Variants in WDPCP observed in about 807,000 individuals in gnomAD.
WDPCP encodes WD repeat containing planar cell polarity effector, also known as WD repeat-containing and planar cell polarity effector protein fritz homolog.
In WDPCP, 71 loss-of-function variants were observed where a neutral mutation model predicts 93.1. That is an observed-to-expected ratio of 0.76 (90% CI 0.63 to 0.93). The LOEUF (loss-of-function observed/expected upper bound fraction) is 0.93. Ranked by LOEUF, WDPCP falls within the 40% of genes least tolerant of loss-of-function variation. WDPCP has a pLI of 0.00. For missense variants in WDPCP, 844 were observed against 887.4 expected, an observed-to-expected ratio of 0.95 and a Z score of 0.62; for synonymous variants, 315 against 315.0, an observed-to-expected ratio of 1.00 and a Z score of 0.00.
At chr2:63,146,850 C>T (rs561143720) in intron 17 of WDPCP, among the ~76,000 whole-genome samples, 3 of 152,118 alleles carry the variant, frequency 2.0e-5, no homozygotes, top group South Asian at 2.1e-4. Flanking sequence ...TAAGTGATAA[C>T]GCAATTATTG....
At chr2:63,693,892 T>C (rs1668926023) in intron 2 of WDPCP, among the ~76,000 whole-genome samples, 1 of 152,202 alleles carries the variant, frequency 6.6e-6, no homozygotes, top group Non-Finnish European at 1.5e-5. Flanking sequence ...TAATGGACCA[T>C]TCACTAATGC....
intron 17 of WDPCP, among the ~76,000 whole-genome samples, chr2:63,132,509 TG>T (rs1670355414): frequency 6.6e-6 from 1 of 150,556 alleles, no homozygotes. Flanking sequence ...TCTTAAGCTC[TG>T]TTCACTTTTT....
Position 63,488,536 on chromosome 2 carries a change from C to A in WDPCP, c.161-1042G>T, listed in dbSNP as rs1026323872. ...GAATATATCTAATAAGGATTTATTG[C>A]GAAAAATCATGAGTAGGACTTCTTG... is the stretch of plus-strand genomic sequence containing the variant. On this transcript the variant is annotated intron_variant, in intron 2 of 17. Transcript: ENST00000272321. Among the ~76,000 whole-genome samples the A allele has an allele frequency of 1.3e-5, 2 of 151,778 alleles. 1 individual carries two copies. The highest frequency in any genetic ancestry group is 6.3e-3 in the Middle Eastern group (2 of 316).
chr2:63,570,763 T>A (rs542542799), intron 1 of WDPCP, among the ~76,000 whole-genome samples: 5 of 152,354 alleles, frequency 3.3e-5, no homozygotes, highest in Non-Finnish European at 5.9e-5. Context: ...TTATTTGCCA[T>A]ATGCTAGTCA....
intron 17 of WDPCP, among the ~76,000 whole-genome samples, chr2:63,130,289 A>G (rs1670207405): frequency 6.6e-6 from 1 of 152,110 alleles, no homozygotes; most frequent in Admixed American, 6.5e-5. Context: ...ATTTTTGTAT[A>G]TGGTGTAAGG....
intron 3 of WDPCP, chr2:63,650,581 A>C (rs1484804994): frequency 6.6e-6 from 1 of 152,256 alleles, no homozygotes; most frequent in Non-Finnish European, 1.5e-5. Context: ...ATATGTTCTT[A>C]GTATGACTCA....
At chr2:63,522,580 G>GA (rs1703027437) in intron 1 of WDPCP, among the ~76,000 whole-genome samples, 1 of 151,046 alleles carries the variant, frequency 6.6e-6, no homozygotes, top group East Asian at 1.9e-4. Context: ...GACTAATAAA[G>GA]AAAAAGAGAG....
chr2:63,141,790 A>G (rs1490716559), intron 17 of WDPCP, among the ~76,000 whole-genome samples: 2 of 152,092 alleles, frequency 1.3e-5, no homozygotes, highest in Non-Finnish European at 2.9e-5. Context: ...GTAATTTTAA[A>G]AATACCATTT....
Position 63,195,025 on chromosome 2 carries a change from T to C in WDPCP, c.1916-20193A>G, listed in dbSNP as rs1381918506. 2.6e-5 allele frequency among the ~76,000 whole-genome samples: 4 copies of C among 152,298 alleles called. No homozygotes were observed. In the East Asian group the frequency reaches 5.8e-4, roughly 22 times the overall value. ...TTTTCTCAAAAATGTATGGTAATTT[T>C]ATAGTTAAATATAGGGCTAGGAAAT... On this transcript the variant is annotated intron_variant, in intron 14 of 17. Transcript: ENST00000272321.
chr2:63,619,298 T>C (rs1197428446), intron 3 of WDPCP, among the ~76,000 whole-genome samples: 1 of 152,210 alleles, frequency 6.6e-6, no homozygotes, highest in East Asian at 1.9e-4. Context: ...TTTAAAAGAT[T>C]TTAACAGAAG....
At chr2:63,341,919 T>C (rs925283114) in intron 12 of WDPCP, among the ~76,000 whole-genome samples, 1 of 152,212 alleles carries the variant, frequency 6.6e-6, no homozygotes, top group African/African-American at 2.4e-5. Context: ...AACCTATTTG[T>C]GTCTTTGGAT....
At chr2:63,256,550 G>T (rs1343576264) in intron 14 of WDPCP, among the ~76,000 whole-genome samples, 7 of 150,434 alleles carry the variant, frequency 4.7e-5, no homozygotes, top group African/African-American at 1.5e-4. Flanking sequence ...AGCTACTAAG[G>T]CTGCATATCC....
intron 2 of WDPCP, among the ~76,000 whole-genome samples, chr2:63,781,885 G>A (rs1352717764): frequency 3.3e-5 from 5 of 152,134 alleles, no homozygotes; most frequent in Admixed American, 1.3e-4. Context: ...TGGGCCAAAG[G>A]TGGGCACCTA....
intron 1 of WDPCP, among the ~76,000 whole-genome samples, chr2:63,523,118 T>C (rs898640640): frequency 1.2e-4 from 19 of 152,184 alleles, no homozygotes; most frequent in African/African-American, 4.1e-4. Flanking sequence ...CACAATCAAG[T>C]AGGCATCATC....
chr2:63,322,418 T>C (rs1349119367), intron 12 of WDPCP, among the ~76,000 whole-genome samples: 2 of 152,158 alleles, frequency 1.3e-5, no homozygotes, highest in East Asian at 3.9e-4. Context: ...TTGCTGCTGC[T>C]CACTCTTTGG....
chr2:63,819,340 T>G (rs1670985415), intron 1 of WDPCP, among the ~76,000 whole-genome samples: 1 of 152,200 alleles, frequency 6.6e-6, no homozygotes, highest in Non-Finnish European at 1.5e-5. Context: ...CTCCCTCAAT[T>G]TACTAAAGTT....
At chr2:63,346,326 C>T (rs1689187134) in intron 12 of WDPCP, among the ~76,000 whole-genome samples, 1 of 152,138 alleles carries the variant, frequency 6.6e-6, no homozygotes, top group East Asian at 1.9e-4. Context: ...ATATTATGAA[C>T]CTCCCATTTC....
intron 14 of WDPCP, among the ~76,000 whole-genome samples, chr2:63,211,505 A>C (rs1676800265): frequency 6.6e-6 from 1 of 152,232 alleles, no homozygotes; most frequent in Non-Finnish European, 1.5e-5. Context: ...CCACAAAGAT[A>C]GGGAGAAACC....
intron 2 of WDPCP, among the ~76,000 whole-genome samples, chr2:63,668,878 C>A (rs1017898102): frequency 3.9e-5 from 6 of 152,154 alleles, no homozygotes; most frequent in African/African-American, 1.4e-4. Flanking sequence ...GGCATATCAC[C>A]CATATATTAG....
Sources: gnomAD v4.1 joint callset for allele counts (sites outside exome capture counted in the v4.1 genomes callset) on GRCh38, gnomAD v4.1.1 for gene constraint, MANE v1.5 for transcripts, NCBI Gene and HGNC (gene_info 2026-07-23, HGNC 2026-07-21) for gene names.